The following ANKRD18A variants were observed in gnomAD, a reference collection of about 807,000 sequenced individuals.
ANKRD18A encodes ankyrin repeat domain-containing protein 18A.
In ANKRD18A, 72 loss-of-function variants were observed where a neutral mutation model predicts 110.6. The ratio of observed to expected loss-of-function variants is 0.65; its 90% CI spans 0.54 to 0.79. The LOEUF is 0.79. ANKRD18A is among the 30% of genes least tolerant of loss of function. The probability of loss-of-function intolerance (pLI) is 0.00; values close to 1 mark genes in which losing one functional copy is unlikely to be tolerated. For missense variants in ANKRD18A, 934 were observed against 1,163.3 expected, an observed-to-expected ratio of 0.80 and a Z score of 2.87; for synonymous variants, 305 against 410.3, an observed-to-expected ratio of 0.74 and a Z score of 3.10.
chr9:38,577,010 A>C, intron 14 of ANKRD18A, 43 bp downstream of exon 14: 2 of 1,513,246 alleles, frequency 1.3e-6, no homozygotes, highest in Non-Finnish European at 1.8e-6. Flanking sequence ...AAGACAAATT[A>C]ATGAGCTGAA....
downstream of ANKRD18A, chr9:38,568,634 T>C (rs1587472221): frequency 9.1e-6 from 7 of 766,512 alleles, no homozygotes; most frequent in Non-Finnish European, 1.1e-5. Flanking sequence ...CTTGCAGAGG[T>C]GGCTGGTTGC....
rs1823661910 is a variant in ANKRD18A, at chr9:38,571,946, T to C, written c.*99A>G. The C allele has an allele frequency of 1.3e-6, 2 of 1,517,932 alleles. No individual in the cohort carries two copies. Among genetic ancestry groups the C allele is most frequent in the Middle Eastern group, 3.5e-4 (2 of 5,668 alleles). The allele number at this position is 1,517,932 out of a possible 1,614,324, so 94.0% of individuals were successfully genotyped here. A position where few individuals can be genotyped will look rare whatever the true frequency, so the allele number is the denominator to read the frequency against. ...CCAGTAATAAAGTTTTATGATCTTTTAAATCATACAACTTTTCCTTAAGAT... is the reference window on the plus strand; with the variant it reads ...CCAGTAATAAAGTTTTATGATCTTTCAAATCATACAACTTTTCCTTAAGAT... On this transcript the variant is annotated 3_prime_UTR_variant, in exon 16 of 16. Transcript: ENST00000399703.
chr9:38,586,395 C>T, intron 11 of ANKRD18A, 83 bp from the exon 12 acceptor site: 1 of 1,244,378 alleles, frequency 8.0e-7, no homozygotes, highest in Non-Finnish European at 1.1e-6. Context: ...TATGTTATGG[C>T]ATATCAAAGA....
intron 5 of ANKRD18A, among the ~76,000 whole-genome samples, chr9:38,608,238 A>T (rs1227914160): frequency 6.6e-6 from 1 of 152,100 alleles, no homozygotes; most frequent in Non-Finnish European, 1.5e-5. Flanking sequence ...ATAGGTGTCA[A>T]AACCTGGCTG....
At chr9:38,568,946 T>C, downstream of ANKRD18A, 1 of 985,422 alleles carries the variant, frequency 1.0e-6, no homozygotes. Context: ...GTTGTTCGGA[T>C]GCCACGTTCA....
Position 38,620,201 on chromosome 9 carries a change from C to A in ANKRD18A, c.85G>T (p.Asp29Tyr), listed in dbSNP as rs778436126. ...MDQEYAGPGY[D>Y]IRDWELRKIH... ...TTCCGCAGTTCCCAGTCCCGAATGT[C>A]GTAACCCGGACCCGCATACTCTTGG... Residue 29 changes from aspartate (D) to tyrosine (Y), a missense_variant, in exon 1 of 16, where the codon GAC (aspartate) becomes TAC (tyrosine). Physicochemically the swap from Asp to Tyr is radical, Grantham distance 160. Transcript: ENST00000399703. 2 of 1,553,690 alleles carry A rather than the reference C, an allele frequency of 1.3e-6. No individual in the cohort carries two copies. The highest frequency in any genetic ancestry group is 1.7e-6 in the Non-Finnish European group (2 of 1,148,112).
At chr9:38,572,294 A>C in intron 15 of ANKRD18A, 1 of 345,130 alleles carries the variant, frequency 2.9e-6, no homozygotes, top group South Asian at 3.7e-5. Context: ...CCACGTGCTA[A>C]GGTACTAGAG....
At chr9:38,569,264 GA>G (rs1273805210), downstream of ANKRD18A, 5 of 966,566 alleles carry the variant, frequency 5.2e-6, no homozygotes, top group African/African-American at 7.1e-5. Flanking sequence ...GGATGAATGA[GA>G]TGACTGTCAG....
intron 8 of ANKRD18A, among the ~76,000 whole-genome samples, chr9:38,597,441 C>T (rs568376140): frequency 5.3e-5 from 8 of 152,090 alleles, no homozygotes; most frequent in Non-Finnish European, 1.2e-4. Context: ...TACATTCAAT[C>T]ACCACAGAAG....
At chr9:38,571,150 T>C (rs900931627), downstream of ANKRD18A, 30 of 1,534,256 alleles carry the variant, frequency 2.0e-5, 1 homozygote, top group Admixed American at 2.6e-4. Context: ...GGTTCTTCTG[T>C]TGGGGACTAG....
At chr9:38,617,208 G>A (rs1238404255) in intron 1 of ANKRD18A, among the ~76,000 whole-genome samples, 8 of 152,310 alleles carry the variant, frequency 5.3e-5, no homozygotes, top group South Asian at 2.1e-4. Flanking sequence ...TTGGGAGGCC[G>A]AGGCAGGTGG....
At chr9:38,570,076 C>T (rs547375732), downstream of ANKRD18A, among the ~76,000 whole-genome samples, 8 of 152,290 alleles carry the variant, frequency 5.3e-5, no homozygotes, top group African/African-American at 1.9e-4. Flanking sequence ...TGGCCAGGTT[C>T]CTACTGACCA....
intron 12 of ANKRD18A, among the ~76,000 whole-genome samples, chr9:38,578,560 TC>T (rs1158591545): frequency 6.6e-6 from 1 of 152,296 alleles, no homozygotes; most frequent in East Asian, 1.9e-4. Flanking sequence ...TAAATGGCTC[TC>T]AGAATAAGAC....
Position 38,611,312 on chromosome 9 carries a change from T to G in ANKRD18A, c.505A>C (p.Thr169Pro). The G allele has an allele frequency of 2.0e-6, 3 of 1,522,002 alleles. No homozygotes were observed. The highest frequency in any genetic ancestry group is 2.6e-6 in the Non-Finnish European group (3 of 1,137,636). The allele number at this position is 1,522,002 out of a possible 1,614,324, so 94.3% of individuals were successfully genotyped here. The change falls in exon 4 of 16, where the codon ACT becomes CCT. Residue 169 changes from threonine (T) to proline (P), a missense_variant. By Grantham distance (38) the Thr-to-Pro change is conservative. This residue lies in a region of ANKRD18A where 630 missense variants were observed against 797.5 expected (regional missense o/e 0.79). Coordinates refer to ENST00000399703, the MANE Select transcript of ANKRD18A (RefSeq NM_147195.4). ...GAATTTATAGCAAACAAAAGTGGAG[T>G]GTTTCCCTCCTGTAAGAAAGCAAAA... is the stretch of plus-strand genomic sequence containing the variant. ...NIEALNKEGN[T>P]PLLFAINSRR...
intron 12 of ANKRD18A, among the ~76,000 whole-genome samples, chr9:38,581,241 T>G (rs563983691): frequency 1.2e-3 from 179 of 152,336 alleles, no homozygotes; most frequent in African/African-American, 4.3e-3. Flanking sequence ...AATGTTGAGA[T>G]TAATTTGTTG....
downstream of ANKRD18A, chr9:38,569,377 G>T: frequency 2.0e-6 from 2 of 985,376 alleles, no homozygotes; most frequent in Non-Finnish European, 1.2e-6. Context: ...CCAGGAGGAA[G>T]AGAAGAGAGC....
intron 10 of ANKRD18A, among the ~76,000 whole-genome samples, chr9:38,590,550 C>T (rs1824601574): frequency 6.6e-6 from 1 of 152,176 alleles, no homozygotes; most frequent in Non-Finnish European, 1.5e-5. Flanking sequence ...CGGCACCCAG[C>T]CCTTTTTTCT....
chr9:38,613,373 CTT>C (rs1825723972), intron 3 of ANKRD18A, among the ~76,000 whole-genome samples: 1 of 152,100 alleles, frequency 6.6e-6, no homozygotes, highest in Non-Finnish European at 1.5e-5. Context: ...GACTATAGCT[CTT>C]GTGTTTTTAT....
intron 12 of ANKRD18A, among the ~76,000 whole-genome samples, chr9:38,580,263 A>C (rs538422896): frequency 1.3e-5 from 2 of 152,326 alleles, no homozygotes; most frequent in Non-Finnish European, 2.9e-5. Flanking sequence ...AGACAGGTGC[A>C]ATGGTGCACG....
Sources: allele counts gnomAD v4.1 joint callset (sites outside exome capture counted in the v4.1 genomes callset), GRCh38; gene constraint gnomAD v4.1.1; regional missense constraint gnomAD v4.1.1; transcripts MANE v1.5; gene names NCBI Gene and HGNC (gene_info 2026-07-23, HGNC 2026-07-21).